Variants in POC1A observed in about 807,000 individuals in gnomAD.
The protein encoded by POC1A is POC1 centriolar protein A.
POC1A carries 34 observed loss-of-function variants against 47.8 expected under a neutral mutation model. The ratio of observed to expected loss-of-function variants is 0.71; its 90% confidence interval spans 0.54 to 0.95. The LOEUF is 0.95. Among genes scored for constraint, POC1A ranks in the 40% least tolerant of loss-of-function variants. The pLI is 0.00. For synonymous variants in POC1A, 177 were observed against 207.6 expected (o/e 0.85, Z 1.27); for missense variants, 466 against 528.3 (o/e 0.88, Z 1.16).
At chr3:52,109,790 T>C (rs1011627786) in intron 9 of POC1A, among the ~76,000 whole-genome samples, 1 of 152,184 alleles carries the variant, frequency 6.6e-6, no homozygotes, top group African/African-American at 2.4e-5. Flanking sequence ...TATTCTGATT[T>C]TTTTTCCATG....
At chr3:52,125,008 A>G in intron 8 of POC1A, 105 bp downstream of exon 8, 4 of 853,762 alleles carry the variant, frequency 4.7e-6, no homozygotes, top group Non-Finnish European at 5.6e-6. Context: ...GCCACCAAGG[A>G]AGCTGGCGAA....
At position 52,079,195 on chromosome 3, in the gene POC1A, C is replaced by T. The variant is rs771510457; in HGVS notation, c.1126-3210G>A. On this transcript the variant is annotated intron_variant, in intron 10 of 10. Transcript: ENST00000296484. The surrounding 1 kb of genome is among the most constrained non-coding windows in gnomAD (Gnocchi z 4.6). ...GGTTCACAACAAAAAGTAAGCACAT[C>T]CCCACATACCCATACGAGGGTTCAG... Among the ~76,000 whole-genome samples, 1 of 152,238 alleles carries T rather than the reference C, an allele frequency of 6.6e-6. No homozygotes were observed. Among genetic ancestry groups the T allele is most frequent in the Non-Finnish European group, 1.5e-5 (1 of 68,038 alleles).
intron 9 of POC1A, among the ~76,000 whole-genome samples, chr3:52,112,881 A>G (rs1182826873): frequency 1.3e-5 from 2 of 152,158 alleles, no homozygotes; most frequent in Non-Finnish European, 2.9e-5. Context: ...CTGTTTTCCA[A>G]AAGACCAGTG....
chr3:52,093,391 G>A (rs141353310), intron 10 of POC1A, among the ~76,000 whole-genome samples: 6 of 152,352 alleles, frequency 3.9e-5, no homozygotes, highest in African/African-American at 1.4e-4. Context: ...CCTGGGTAGG[G>A]AAGGGTCTAG....
At chr3:52,076,747 A>G (rs1702126303) in intron 10 of POC1A, among the ~76,000 whole-genome samples, 2 of 152,258 alleles carry the variant, frequency 1.3e-5, no homozygotes, top group Admixed American at 6.5e-5. Flanking sequence ...AGTGCTTGTC[A>G]GGCAGATCAT....
intron 10 of POC1A, among the ~76,000 whole-genome samples, chr3:52,089,043 A>C (rs563333889): frequency 2.8e-4 from 42 of 151,388 alleles, no homozygotes; most frequent in South Asian, 2.1e-3. Context: ...TTCTGCCACA[A>C]CCACAGACGG....
chr3:52,080,117 A>G (rs1702236030), intron 10 of POC1A, among the ~76,000 whole-genome samples: 1 of 152,182 alleles, frequency 6.6e-6, no homozygotes, highest in African/African-American at 2.4e-5. Context: ...AGCTTTTATC[A>G]TCCCCATTTT....
chr3:52,094,069 T>C (rs1320620378), intron 10 of POC1A, among the ~76,000 whole-genome samples: 1 of 152,196 alleles, frequency 6.6e-6, no homozygotes, highest in Non-Finnish European at 1.5e-5. Context: ...AAGGCCACTC[T>C]GAAGTAGACT....
intron 7 of POC1A, among the ~76,000 whole-genome samples, chr3:52,135,172 C>T (rs1049947458): frequency 2.6e-5 from 4 of 152,182 alleles, no homozygotes; most frequent in Admixed American, 6.5e-5. Flanking sequence ...TGAACATCCT[C>T]GGAACCAGTT....
intron 10 of POC1A, among the ~76,000 whole-genome samples, chr3:52,087,898 G>A (rs758761584): frequency 1.3e-5 from 2 of 152,106 alleles, no homozygotes; most frequent in East Asian, 1.9e-4. Context: ...GTGTCTGACC[G>A]GGATAGGCCC....
intron 10 of POC1A, among the ~76,000 whole-genome samples, chr3:52,086,572 G>A (rs565990535): frequency 1.3e-5 from 2 of 152,332 alleles, no homozygotes; most frequent in South Asian, 2.1e-4. Context: ...GCCTGTGTGC[G>A]TACACACGCA....
intron 9 of POC1A, among the ~76,000 whole-genome samples, chr3:52,106,151 C>T (rs889471508): frequency 2.2e-5 from 3 of 137,818 alleles, no homozygotes; most frequent in East Asian, 4.4e-4. Flanking sequence ...GCCGAGATCG[C>T]GCCACTGTGA....
intron 10 of POC1A, among the ~76,000 whole-genome samples, chr3:52,088,510 C>T (rs950596642): frequency 6.6e-6 from 1 of 152,160 alleles, no homozygotes; most frequent in Non-Finnish European, 1.5e-5. Flanking sequence ...TGGGAGGAAG[C>T]AGCAGGCCCA....
Position 52,090,592 on chromosome 3 carries a change from C to A in POC1A, c.1125+5977G>T, listed in dbSNP as rs1240612969. Among the ~76,000 whole-genome samples the A allele has an allele frequency of 6.6e-6, 1 of 152,200 alleles. No homozygotes were observed. The highest frequency in any genetic ancestry group is 1.5e-5 in the Non-Finnish European group (1 of 68,040). ...GGGTCCATGAAGGAAGCCACAGAGC[C>A]AGCGTGGAGGTGAGCTCATGTAGCA... On this transcript the variant is annotated intron_variant, in intron 10 of 10. Transcript: ENST00000296484. The surrounding 1 kb of genome is among the most constrained non-coding windows in gnomAD (Gnocchi z 4.2).
In POC1A at chr3:52,132,023, T is replaced by C. The variant is rs781509570; in HGVS notation, c.813+6146A>G. 4.6e-5 allele frequency among the ~76,000 whole-genome samples: 7 copies of C among 152,252 alleles called. No individual in the cohort carries two copies. In the South Asian group the frequency reaches 1.5e-3, roughly 32 times the overall value. ...CTTCTAATGCCCTTTTAAAGAGCTC[T>C]CACCTAAAACGGCATGACATCATTT... On this transcript the variant is annotated intron_variant, in intron 7 of 10. Coordinates refer to ENST00000296484, the MANE Select transcript of POC1A (RefSeq NM_015426.5).
At chr3:52,112,014 C>T (rs949324094) in intron 9 of POC1A, among the ~76,000 whole-genome samples, 1 of 152,194 alleles carries the variant, frequency 6.6e-6, no homozygotes, top group African/African-American at 2.4e-5. Flanking sequence ...CACAGCAGAG[C>T]CACAGCAAGT....
At chr3:52,124,314 C>T (rs923269255) in intron 8 of POC1A, among the ~76,000 whole-genome samples, 5 of 152,208 alleles carry the variant, frequency 3.3e-5, no homozygotes, top group African/African-American at 4.8e-5. Flanking sequence ...TCCTGGCCTC[C>T]CCAGTGCCAG....
chr3:52,083,984 C>T (rs560024720), intron 10 of POC1A, among the ~76,000 whole-genome samples: 3 of 152,336 alleles, frequency 2.0e-5, no homozygotes, highest in South Asian at 4.1e-4. Context: ...GCCCTCAGCT[C>T]GAAACAGAAG....
intron 6 of POC1A, among the ~76,000 whole-genome samples, chr3:52,141,359 T>C (rs1698187432): frequency 6.6e-6 from 1 of 152,222 alleles, no homozygotes; most frequent in South Asian, 2.1e-4. Flanking sequence ...GAGGAGACCA[T>C]GCCAGGGCCA....
Sources: gnomAD v4.1 joint callset for allele counts (sites outside exome capture counted in the v4.1 genomes callset) on GRCh38, gnomAD v4.1.1 for gene constraint, Gnocchi (gnomAD v3.1) non-coding constraint, MANE v1.5 for transcripts, NCBI Gene and HGNC (gene_info 2026-07-23, HGNC 2026-07-21) for gene names.